The following ABCA9 variants were observed in gnomAD, a reference collection of about 807,000 sequenced individuals.
The protein encoded by ABCA9 is ATP binding cassette subfamily A member 9, also known as ATP-binding cassette sub-family A member 9.
In ABCA9, 183 loss-of-function variants were observed where a neutral mutation model predicts 205.3. The ratio of observed to expected loss-of-function variants is 0.89; its 90% CI spans 0.79 to 1.01. The LOEUF is 1.01. Ranked by LOEUF, ABCA9 falls within the 50% of genes least tolerant of loss-of-function variation. The pLI is 0.00. For missense variants in ABCA9, 1,805 were observed against 1,912.4 expected (o/e 0.94, Z 1.05); for synonymous variants, 651 against 683.3 (o/e 0.95, Z 0.74).
chr17:69,003,195 G>A lies in ABCA9; in HGVS notation c.3435+4564C>T, dbSNP rs1598355412. 3.3e-5 allele frequency among the ~76,000 whole-genome samples: 5 copies of A among 151,968 alleles called. No individual in the cohort carries two copies. In the South Asian group the frequency reaches 1.0e-3, roughly 32 times the overall value. Reference sequence around the variant, plus strand: ...CTGGTTATTTTGCTCGTTAGTTGATGCAGTTTCTTCCTAGTCTCGATGGTC... The same window carrying A: ...CTGGTTATTTTGCTCGTTAGTTGATACAGTTTCTTCCTAGTCTCGATGGTC... On this transcript the variant is annotated intron_variant, in intron 25 of 38. Transcript: ENST00000340001.
intron 10 of ABCA9, among the ~76,000 whole-genome samples, chr17:69,030,685 T>C (rs997453026): frequency 2.2e-4 from 34 of 152,206 alleles, no homozygotes; most frequent in African/African-American, 7.7e-4. Context: ...AGTCTCTTTT[T>C]CCCTATCTTT....
chr17:69,027,453 A>C lies in ABCA9; in HGVS notation c.1792-4T>G, dbSNP rs1241037656. ...ATTCCTGTACAACTCGTTGTACCTAATCAAATAAAGAATATTTAGTCCAAA... is the reference window on the plus strand; with the variant it reads ...ATTCCTGTACAACTCGTTGTACCTACTCAAATAAAGAATATTTAGTCCAAA... On this transcript the variant is annotated splice_polypyrimidine_tract_variant and splice_region_variant and intron_variant, in intron 13 of 38. Transcript: ENST00000340001. 6.2e-7 allele frequency: 1 copy of C among 1,602,240 alleles called. No homozygotes were observed. The highest frequency in any genetic ancestry group is 8.5e-7 in the Non-Finnish European group (1 of 1,176,450).
rs1042916644 is a variant in ABCA9, at chr17:69,054,843, C to T, written c.-13-3704G>A. Among the ~76,000 whole-genome samples, 11 of 151,812 alleles carry T rather than the reference C, an allele frequency of 7.2e-5. No individual in the cohort carries two copies. The East Asian group carries it at 7.7e-4, about 11-fold the overall frequency. The stretch of plus-strand genomic sequence containing the variant: ...GGGGTTATTTTGTTATTATAAGATA[C>T]GCTACCAATTAAGTGGTATAGTGTT... On this transcript the variant is annotated intron_variant, in intron 1 of 38. Transcript: ENST00000340001.
chr17:68,986,560 T>A, intron 31 of ABCA9: 1 of 376,536 alleles, frequency 2.7e-6, no homozygotes, highest in Non-Finnish European at 4.7e-6. Context: ...ATGACCGTGA[T>A]TGAACTCAAG....
chr17:68,989,254 TCTCA>T (rs1367684568), intron 30 of ABCA9, 136 bp from the exon 31 acceptor site: 92 of 416,632 alleles, frequency 2.2e-4, no homozygotes, highest in Middle Eastern at 6.5e-4. Context: ...TCTCTCTCTC[TCTCA>T]CACACACACA....
Position 69,020,502 on chromosome 17 carries a change from A to T in ABCA9, c.2486T>A (p.Phe829Tyr). The T allele has an allele frequency of 6.2e-7, 1 of 1,614,114 alleles. No individual in the cohort carries two copies. The highest frequency in any genetic ancestry group is 1.1e-5 in the South Asian group (1 of 91,074). Residue 829 changes from phenylalanine (F) to tyrosine (Y), a missense_variant, in exon 19 of 39, where the codon TTC becomes TAC. Transcript: ENST00000340001. ...LVELEQVLSS[F>Y]HETRKTISGV... ...ACTGATTGTTTTCCTTGTTTCGTGG[A>T]AGGAAGACAAAACTTGTTCCAGCTC... is the stretch of plus-strand genomic sequence containing the variant.
chr17:68,982,006 A>G (rs2069070967), intron 37 of ABCA9, among the ~76,000 whole-genome samples: 1 of 152,222 alleles, frequency 6.6e-6, no homozygotes, highest in Non-Finnish European at 1.5e-5. Flanking sequence ...ACATTGATGC[A>G]GTATGCAAAG....
upstream of ABCA9, among the ~76,000 whole-genome samples, chr17:69,065,917 C>T (rs1273522189): frequency 6.6e-6 from 1 of 152,058 alleles, no homozygotes; most frequent in Non-Finnish European, 1.5e-5. Flanking sequence ...GGCTTTTCCC[C>T]CCTTTTGCTC....
At chr17:69,013,707 G>A (rs1328874018) in intron 22 of ABCA9, among the ~76,000 whole-genome samples, 2 of 150,950 alleles carry the variant, frequency 1.3e-5, no homozygotes, top group African/African-American at 5.0e-5. Context: ...GATGCCTCCT[G>A]GGTAGTTTGG....
At chr17:69,020,987 C>T (rs982607837) in intron 18 of ABCA9, among the ~76,000 whole-genome samples, 5 of 151,876 alleles carry the variant, frequency 3.3e-5, no homozygotes, top group Admixed American at 6.6e-5. Context: ...ATGGGAGAAA[C>T]GATATTTTTA....
chr17:69,019,299 A>C (rs1372761904), intron 19 of ABCA9, among the ~76,000 whole-genome samples: 1 of 152,200 alleles, frequency 6.6e-6, no homozygotes, highest in Non-Finnish European at 1.5e-5. Flanking sequence ...AAAATAAAAA[A>C]TACAGTCTTA....
chr17:69,051,073 C>A lies in ABCA9; in HGVS notation c.54G>T (p.Lys18Asn). Residue 18 changes from lysine to asparagine, a missense_variant, in exon 2 of 39, where the codon AAG becomes AAT. Coordinates refer to ENST00000340001, the MANE Select transcript of ABCA9 (RefSeq NM_080283.4). ...TCATTCTCCATTTTTTGAGACAGTT[C>A]TTGCAGAGAAGAGCCCATGTTTGCT... The part of the protein sequence containing the change: ...VGQQTWALLC[K>N]NCLKKWRMKR... The A allele has an allele frequency of 6.2e-7, 1 of 1,613,680 alleles. No individual in the cohort carries two copies. The highest frequency in any genetic ancestry group is 8.5e-7 in the Non-Finnish European group (1 of 1,179,812).
At chr17:69,071,751 A>G in the ABCA9 span, among the ~76,000 whole-genome samples, 1 of 152,202 alleles carries the variant, frequency 6.6e-6, no homozygotes, top group African/African-American at 2.4e-5. Flanking sequence ...GAGTTTGATG[A>G]ATTGACAGAA....
chr17:68,991,704 G>A (rs1253930010), intron 28 of ABCA9, among the ~76,000 whole-genome samples: 6 of 152,094 alleles, frequency 3.9e-5, no homozygotes, highest in Non-Finnish European at 8.8e-5. Flanking sequence ...TATGTAATTT[G>A]CAAAACCTTT....
intron 28 of ABCA9, 107 bp from the exon 29 acceptor site, chr17:68,991,064 G>A: frequency 8.3e-7 from 1 of 1,209,158 alleles, no homozygotes; most frequent in Non-Finnish European, 1.1e-6. Flanking sequence ...TTCATTCAGA[G>A]CACAACATCC....
chr17:69,014,839 G>C (rs1305330160), intron 22 of ABCA9, among the ~76,000 whole-genome samples: 1 of 152,086 alleles, frequency 6.6e-6, no homozygotes, highest in Non-Finnish European at 1.5e-5. Context: ...ATGTAGACTG[G>C]AGAAAGTTTG....
At chr17:69,030,206 G>A (rs1181334564) in intron 10 of ABCA9, among the ~76,000 whole-genome samples, 1 of 152,202 alleles carries the variant, frequency 6.6e-6, no homozygotes. Context: ...AGACTAGGTG[G>A]CTTAAAGAAC....
At chr17:69,054,319 C>T (rs2072001154) in intron 1 of ABCA9, among the ~76,000 whole-genome samples, 1 of 151,982 alleles carries the variant, frequency 6.6e-6, no homozygotes, top group South Asian at 2.1e-4. Flanking sequence ...CCCAGAAGTT[C>T]AAGACCAGCC....
chr17:69,039,337 A>G (rs1390572192), intron 6 of ABCA9, among the ~76,000 whole-genome samples: 1 of 152,192 alleles, frequency 6.6e-6, no homozygotes, highest in East Asian at 1.9e-4. Context: ...CAGTAACTAA[A>G]ACAGCATGGT....
Sources: allele counts gnomAD v4.1 joint callset (sites outside exome capture counted in the v4.1 genomes callset), GRCh38; gene constraint gnomAD v4.1.1; transcripts MANE v1.5; gene names NCBI Gene and HGNC (gene_info 2026-07-23, HGNC 2026-07-21).